HHIPL2: variants seen among roughly 807,000 people sequenced by gnomAD.
HHIPL2 encodes the protein HHIP-like protein 2.
HHIPL2 carries 61 observed loss-of-function variants against 61.0 expected under a neutral mutation model. The ratio of observed to expected loss-of-function variants is 1.00; its 90% CI spans 0.81 to 1.24. HHIPL2 has a LOEUF of 1.24. Ranked by LOEUF, HHIPL2 falls within the 50% of genes most tolerant of loss-of-function variation. The probability of loss-of-function intolerance (pLI) is 0.00; values close to 1 mark genes in which losing one functional copy is unlikely to be tolerated. For synonymous variants in HHIPL2, 343 were observed against 357.4 expected (o/e 0.96, Z 0.45); for missense variants, 885 against 910.2 (o/e 0.97, Z 0.36).
In HHIPL2 at chr1:222,532,056, G is replaced by T; in HGVS notation, c.1633C>A (p.Leu545Ile). The T allele has an allele frequency of 6.2e-7, 1 of 1,613,840 alleles. No individual in the cohort carries two copies. The highest frequency in any genetic ancestry group is 8.5e-7 in the Non-Finnish European group (1 of 1,179,758). ...RKNKKWKKQD[L>I]CLGSTTSCAF... ...CAGGACGTGGTGCTGCCCAGGCAAA[G>T]ATCCTGCTTCTTCCATTTCTTGTTT... is the stretch of plus-strand genomic sequence containing the variant. The change falls in exon 6 of 9, where the codon CTT becomes ATT. Residue 545 changes from leucine (L) to isoleucine (I), a missense_variant. Coordinates refer to ENST00000343410, the MANE Select transcript of HHIPL2 (RefSeq NM_024746.4).
intron 6 of HHIPL2, among the ~76,000 whole-genome samples, chr1:222,530,724 C>CT (rs72005037): frequency 3.3e-5 from 5 of 151,082 alleles, no homozygotes; most frequent in East Asian, 2.0e-4. Context: ...TATAGAGAAT[C>CT]TTTTTTTTTA....
At chr1:222,530,203 T>C (rs758120914) in intron 6 of HHIPL2, among the ~76,000 whole-genome samples, 1 of 151,960 alleles carries the variant, frequency 6.6e-6, no homozygotes, top group Non-Finnish European at 1.5e-5. Flanking sequence ...CGGTGAGAAG[T>C]CTGCAAGCAC....
intron 5 of HHIPL2, among the ~76,000 whole-genome samples, chr1:222,534,585 A>AT (rs1558128876): frequency 9.9e-4 from 92 of 93,312 alleles, no homozygotes; most frequent in African/African-American, 2.7e-3. Flanking sequence ...TCTAAAAAAA[A>AT]AAAAAAAAAA....
intron 5 of HHIPL2, among the ~76,000 whole-genome samples, chr1:222,538,306 G>A (rs568020120): frequency 8.6e-5 from 13 of 151,280 alleles, no homozygotes; most frequent in Admixed American, 5.9e-4. Flanking sequence ...CACTGGGGAC[G>A]GGGGACAGGC....
chr1:222,527,191 C>A (rs539022158), intron 6 of HHIPL2, 141 bp from the exon 7 acceptor site: 30 of 657,824 alleles, frequency 4.6e-5, no homozygotes, highest in African/African-American at 4.4e-4. Context: ...AGAAACCTAA[C>A]TGGCATCAGC....
Position 222,543,615 on chromosome 1 carries a change from T to C in HHIPL2, c.896A>G (p.Lys299Arg), listed in dbSNP as rs778881238. The change falls in exon 2 of 9, where the codon AAG (lysine) becomes AGG (arginine). Residue 299 changes from lysine (K) to arginine (R), a missense_variant. Physicochemically the swap from Lys to Arg is conservative, Grantham distance 26. Transcript: ENST00000343410. ...ACTAATTCGGATCTTTTCTACCTTC[T>C]TCTTGTCCAGGCACGAATAATAAAT... The part of the protein sequence containing the change: ...FYIYYSCLDK[K>R]KVEKIRISEM... 3.1e-6 allele frequency: 5 copies of C among 1,614,066 alleles called. No homozygotes were observed. Among genetic ancestry groups the C allele is most frequent in the Non-Finnish European group, 4.2e-6 (5 of 1,180,036 alleles).
chr1:222,529,450 T>C (rs1659143439), intron 6 of HHIPL2, among the ~76,000 whole-genome samples: 2 of 152,142 alleles, frequency 1.3e-5, no homozygotes, highest in East Asian at 3.9e-4. Context: ...GCCTTCTCAG[T>C]CTAAAAAGAA....
At position 222,538,653 on chromosome 1, in the gene HHIPL2, C is replaced by G; in HGVS notation, c.1572G>C (p.Met524Ile). The change falls in exon 5 of 9, where the codon ATG (methionine) becomes ATC (isoleucine). Residue 524 changes from methionine to isoleucine, a missense_variant. Met to Ile is a conservative substitution (Grantham distance 10). Transcript: ENST00000343410. ...GGACATCAGTCCTTCCTTACCCACT[C>G]ATGAAGTCTCCAAAGATATACAGGC... ...LNGLYIFGDF[M>I]SGRLMALQED... 1 of 1,613,676 alleles carries G rather than the reference C, an allele frequency of 6.2e-7. No individual in the cohort carries two copies. Among genetic ancestry groups the G allele is most frequent in the East Asian group, 2.2e-5 (1 of 44,880 alleles).
intron 5 of HHIPL2, among the ~76,000 whole-genome samples, chr1:222,538,423 CAGAGAG>C (rs369750527): frequency 2.8e-4 from 41 of 147,228 alleles, no homozygotes; most frequent in Non-Finnish European, 3.9e-4. Flanking sequence ...GAGAGAGAGA[CAGAGAG>C]AGAGAGAGAG....
At chr1:222,542,651 C>A (rs1289089114) in intron 2 of HHIPL2, among the ~76,000 whole-genome samples, 1 of 151,878 alleles carries the variant, frequency 6.6e-6, no homozygotes, top group African/African-American at 2.4e-5. Context: ...CTGCCTCGGC[C>A]TCCTGAGTAG....
chr1:222,541,983 G>T (rs976654113), intron 3 of HHIPL2, 29 bp downstream of exon 3: 4 of 1,583,568 alleles, frequency 2.5e-6, no homozygotes, highest in Non-Finnish European at 3.4e-6. Flanking sequence ...ACTCTGAAGG[G>T]ACAAGGGCCC....
rs1558134731 is a variant in HHIPL2, at chr1:222,547,854, T to C, written c.191A>G (p.Tyr64Cys). The C allele has an allele frequency of 1.2e-6, 2 of 1,614,102 alleles. No homozygotes were observed. The highest frequency in any genetic ancestry group is 1.7e-5 in the Admixed American group (1 of 60,030). ...CTGATCACAGCAGCCGAAGGACTCATAGTCAGAGCAAAACTCAAGGTGCAG... is the reference window on the plus strand; with the variant it reads ...CTGATCACAGCAGCCGAAGGACTCACAGTCAGAGCAAAACTCAAGGTGCAG... ...PPLHLEFCSD[Y>C]ESFGCCDQHK... is the part of the protein sequence containing the mutation. The change falls in exon 1 of 9, where the codon TAT (tyrosine) becomes TGT (cysteine). Residue 64 changes from tyrosine (Y) to cysteine (C), a missense_variant. Coordinates refer to ENST00000343410, the MANE Select transcript of HHIPL2 (RefSeq NM_024746.4).
chr1:222,543,785 C>G lies in HHIPL2; in HGVS notation c.726G>C (p.Trp242Cys), dbSNP rs771602010. The part of the protein sequence containing the change: ...FFVAEQVGVV[W>C]VYLPDGSRLE... ...GGCGACTCCCATCAGGGAGGTAGAC[C>G]CACACCACTCCTACCTGCTCGGCAA... Residue 242 changes from tryptophan to cysteine, a missense_variant, in exon 2 of 9, where the codon TGG (tryptophan) becomes TGC (cysteine). Physicochemically the swap from Trp to Cys is radical, Grantham distance 215. Coordinates refer to ENST00000343410, the MANE Select transcript of HHIPL2 (RefSeq NM_024746.4). 1 of 1,613,892 alleles carries G rather than the reference C, an allele frequency of 6.2e-7. No individual in the cohort carries two copies. Among genetic ancestry groups the G allele is most frequent in the Non-Finnish European group, 8.5e-7 (1 of 1,179,998 alleles).
intron 4 of HHIPL2, chr1:222,539,012 C>A (rs4846764): frequency 2.1e-6 from 1 of 479,502 alleles, no homozygotes. Context: ...CCAAAAATTC[C>A]CTCCATCTAT....
Position 222,547,726 on chromosome 1 carries a change from G to A in HHIPL2, c.319C>T (p.Gln107Ter), listed in dbSNP as rs1558134545. The change falls in exon 1 of 9, where the codon CAG becomes TAG. Residue 107 changes from glutamine (Q) to a stop codon, truncating the protein, a stop_gained and splice_region_variant. Transcript: ENST00000343410. LOFTEE classifies it high-confidence loss of function. ...GGCTGGAAGGCACTTTTCACTACCT[G>A]GCAAAGGATGTCTTTAATGTAATCT... Reference protein sequence around the residue: ...CGDYIKDILCQECSPYAAHLY... With the variant: ...CGDYIKDILC 2 of 1,609,682 alleles carry A rather than the reference G, an allele frequency of 1.2e-6. No homozygotes were observed. The highest frequency in any genetic ancestry group is 1.7e-5 in the Admixed American group (1 of 59,940).
chr1:222,543,791 C>T lies in HHIPL2; in HGVS notation c.720G>A (p.Val240=). 1.2e-6 allele frequency: 2 copies of T among 1,614,048 alleles called. No homozygotes were observed. Among genetic ancestry groups the T allele is most frequent in the Non-Finnish European group, 1.7e-6 (2 of 1,180,000 alleles). The change falls in exon 2 of 9, where the codon GTG becomes GTA. Residue 240 remains valine, a synonymous_variant. Coordinates refer to ENST00000343410, the MANE Select transcript of HHIPL2 (RefSeq NM_024746.4). Reference sequence around the variant, plus strand: ...TCCCATCAGGGAGGTAGACCCACACCACTCCTACCTGCTCGGCAACAAAGA... The same window carrying T: ...TCCCATCAGGGAGGTAGACCCACACTACTCCTACCTGCTCGGCAACAAAGA... ...HRFFVAEQVG[V]VWVYLPDGSR...
At chr1:222,538,195 G>GGTGTGTGTGTGTGTGTGTGT (rs373452655) in intron 5 of HHIPL2, among the ~76,000 whole-genome samples, 21 of 136,364 alleles carry the variant, frequency 1.5e-4, no homozygotes, top group Non-Finnish European at 2.5e-4. Flanking sequence ...CTCTGGCTGG[G>GGTGTGTGTGTGTGTGTGTGT]GTGTGTGTGT....
In HHIPL2 at chr1:222,535,149, T is replaced by C. The variant is rs1162020665; in HGVS notation, c.1578-3038A>G. 2.6e-5 allele frequency among the ~76,000 whole-genome samples: 4 copies of C among 152,176 alleles called. No individual in the cohort carries two copies. The East Asian group carries it at 7.7e-4, about 29-fold the overall frequency. ...TCTGGCAGCGGATTTCTCATTGGAA[T>C]GGTGCAAGCCAGAAAATAGTGGCGC... On this transcript the variant is annotated intron_variant, in intron 5 of 8. Transcript: ENST00000343410.
At chr1:222,523,092 T>C (rs534743638) in intron 8 of HHIPL2, among the ~76,000 whole-genome samples, 3 of 152,284 alleles carry the variant, frequency 2.0e-5, no homozygotes, top group Admixed American at 1.3e-4. Flanking sequence ...CTTAAGATAG[T>C]ATCCTTCCTC....
Sources: allele counts gnomAD v4.1 joint callset (sites outside exome capture counted in the v4.1 genomes callset), GRCh38; gene constraint gnomAD v4.1.1; transcripts MANE v1.5; gene names NCBI Gene and HGNC (gene_info 2026-07-23, HGNC 2026-07-21).